PTP4A2: variants seen among roughly 807,000 people sequenced by gnomAD.
PTP4A2 encodes protein tyrosine phosphatase type IVA 2.
Under a neutral mutation model 22.9 loss-of-function variants are expected in PTP4A2, and 2 were observed. The ratio of observed to expected loss-of-function variants is 0.09; its 90% confidence interval spans 0.04 to 0.27. PTP4A2 has a LOEUF of 0.27. Ranked by LOEUF, PTP4A2 falls within the 10% of genes least tolerant of loss-of-function variation. PTP4A2 has a pLI of 1.00. For missense variants in PTP4A2, 103 were observed against 205.1 expected (o/e 0.50, Z 3.04); for synonymous variants, 68 against 69.1 (o/e 0.98, Z 0.08).
chr1:31,934,345 A>T (rs552306590), intron 1 of PTP4A2, among the ~76,000 whole-genome samples: 1 of 152,356 alleles, frequency 6.6e-6, no homozygotes, highest in East Asian at 1.9e-4. Flanking sequence ...CAACAAATAT[A>T]GTTGATGGAA....
chr1:31,913,082 T>TA (rs1282316095), intron 3 of PTP4A2: 13 of 427,896 alleles, frequency 3.0e-5, no homozygotes, highest in Non-Finnish European at 4.6e-5. Flanking sequence ...TGTCTATTTT[T>TA]AAAAAAATCA....
In PTP4A2 at chr1:31,909,908, A is replaced by G. The variant is rs926710339; in HGVS notation, c.395+130T>C. On this transcript the variant is annotated intron_variant, in intron 5 of 5. Coordinates refer to ENST00000647444, the MANE Select transcript of PTP4A2 (RefSeq NM_080391.4). ...CTATCACTTGCTCTAAATTTTTTACATCTTCAAATAATACTTCAAGCCAAA... is the reference window on the plus strand; with the variant it reads ...CTATCACTTGCTCTAAATTTTTTACGTCTTCAAATAATACTTCAAGCCAAA... 5 of 718,628 alleles carry G rather than the reference A, an allele frequency of 7.0e-6. No individual in the cohort carries two copies. In the Admixed American group the frequency reaches 8.5e-5, roughly 12 times the overall value. 44.5% of individuals were successfully genotyped at this position (718,628 alleles called of 1,614,324 possible). A position where few individuals can be genotyped will look rare whatever the true frequency, so the allele number is the denominator to read the frequency against.
intron 1 of PTP4A2, among the ~76,000 whole-genome samples, chr1:31,929,267 C>A (rs1378957903): frequency 6.6e-6 from 1 of 152,128 alleles, no homozygotes; most frequent in Non-Finnish European, 1.5e-5. Context: ...CCAACGCCGA[C>A]TTTCTCTTTA....
chr1:31,911,633 T>G, intron 4 of PTP4A2, 63 bp downstream of exon 4: 1 of 1,436,624 alleles, frequency 7.0e-7, no homozygotes, highest in Non-Finnish European at 9.2e-7. Flanking sequence ...AAAGTGAAAC[T>G]TTCAACTAAC....
intron 1 of PTP4A2, among the ~76,000 whole-genome samples, chr1:31,928,492 G>A (rs1352003324): frequency 6.6e-6 from 1 of 151,432 alleles, no homozygotes; most frequent in Non-Finnish European, 1.5e-5. Context: ...CTGAGGTCAG[G>A]AGTTCAAGAC....
intron 1 of PTP4A2, among the ~76,000 whole-genome samples, chr1:31,921,995 G>C (rs1381911276): frequency 1.3e-5 from 2 of 152,142 alleles, no homozygotes; most frequent in Non-Finnish European, 2.9e-5. Flanking sequence ...ACTCGCTACA[G>C]TAAAAACACA....
intron 2 of PTP4A2, 68 bp from the exon 3 acceptor site, chr1:31,916,055 ACT>A: frequency 9.0e-7 from 1 of 1,108,156 alleles, no homozygotes; most frequent in South Asian, 1.5e-5. Context: ...GTAGAAATGT[ACT>A]ATTATAGGCC....
intron 1 of PTP4A2, among the ~76,000 whole-genome samples, chr1:31,936,756 C>T (rs942543626): frequency 6.6e-5 from 10 of 152,138 alleles, no homozygotes; most frequent in Non-Finnish European, 1.2e-4. Flanking sequence ...ATTCTGAAGC[C>T]CTGATAATGT....
At chr1:31,915,689 A>C (rs1651792585) in intron 3 of PTP4A2, 1 of 385,630 alleles carries the variant, frequency 2.6e-6, no homozygotes, top group Non-Finnish European at 4.8e-6. Flanking sequence ...ACAGGTGTGC[A>C]CCAACATGCC....
chr1:31,935,033 G>C (rs552269888), intron 1 of PTP4A2, among the ~76,000 whole-genome samples: 3 of 152,250 alleles, frequency 2.0e-5, no homozygotes, highest in Non-Finnish European at 4.4e-5. Flanking sequence ...TGAATCTGTA[G>C]TTCAATTTAT....
At chr1:31,909,919 A>C in intron 5 of PTP4A2, 119 bp downstream of exon 5, 1 of 784,528 alleles carries the variant, frequency 1.3e-6, no homozygotes, top group South Asian at 1.8e-5. Flanking sequence ...TCTTCAAATA[A>C]TACTTCAAGC....
rs781232472 is a variant in PTP4A2, at chr1:31,918,979, C to A, written c.87G>T (p.Lys29Asn). 6.4e-7 allele frequency: 1 copy of A among 1,574,140 alleles called. No individual in the cohort carries two copies. Among genetic ancestry groups the A allele is most frequent in the Non-Finnish European group, 8.7e-7 (1 of 1,144,080 alleles). The change falls in exon 2 of 6, where the codon AAG becomes AAT. Residue 29 changes from lysine to asparagine, a missense_variant. Physicochemically the swap from Lys to Asn is moderately conservative, Grantham distance 94. Around this residue, in one of 3 missense-constraint regions of PTP4A2, gnomAD observed 66 missense variants for 113.0 expected, o/e 0.58. Coordinates refer to ENST00000647444, the MANE Select transcript of PTP4A2 (RefSeq NM_080391.4). ...CATGCCACAATCTTACCTCTGTGAA[C>A]TTGTTGAGAGTAGCATTGGTAGGGT... Reference protein sequence around the residue: ...THNPTNATLNKFTEELKKYGV... With the variant: ...THNPTNATLNNFTEELKKYGV...
rs1489471912 is a variant in PTP4A2 at position 31,908,077 on chromosome 1, A to G, written c.*775T>C. 2 of 124,182 alleles carry G rather than the reference A, an allele frequency of 1.6e-5. No individual in the cohort carries two copies. Among genetic ancestry groups the G allele is most frequent in the Non-Finnish European group, 1.7e-5 (1 of 59,020 alleles). The allele number at this position is 124,182 out of a possible 1,614,324, so 7.7% of individuals were successfully genotyped here. A position where few individuals can be genotyped will look rare whatever the true frequency, so the allele number is the denominator to read the frequency against. ...GGGTTTTGAAGAAACTAACATGAAC[A>G]CCCTTTCATCAGTAAAGACTAAAAA... On this transcript the variant is annotated 3_prime_UTR_variant, in exon 6 of 6. Coordinates refer to ENST00000647444, the MANE Select transcript of PTP4A2 (RefSeq NM_080391.4).
At chr1:31,922,874 G>C (rs190166848) in intron 1 of PTP4A2, among the ~76,000 whole-genome samples, 2 of 151,400 alleles carry the variant, frequency 1.3e-5, no homozygotes, top group Non-Finnish European at 2.9e-5. Flanking sequence ...CTCCTGCCTC[G>C]GCCTCCCAAA....
intron 1 of PTP4A2, among the ~76,000 whole-genome samples, chr1:31,929,008 G>A (rs541693417): frequency 7.9e-5 from 12 of 152,296 alleles, no homozygotes; most frequent in Non-Finnish European, 1.5e-4. Context: ...TGAAAAGGGA[G>A]TGGTTTTAGA....
In PTP4A2 at chr1:31,938,083, T is replaced by TAGCAGTGGCGGCGGCGGCGAC. The variant is rs1653028595; in HGVS notation, c.-691_-690insGTCGCCGCCGCCGCCACTGCT. Reference sequence around the variant, plus strand: ...ACCTCGGCGGCGGCGGCGGCGGCGGTAGCGGTGGCGGCGGCGGCGACGACT... The same window carrying TAGCAGTGGCGGCGGCGGCGAC: ...ACCTCGGCGGCGGCGGCGGCGGCGGTAGCAGTGGCGGCGGCGGCGACAGCGGTGGCGGCGGCGGCGACGACT... On this transcript the variant is annotated 5_prime_UTR_variant, in exon 1 of 6. Coordinates refer to ENST00000647444, the MANE Select transcript of PTP4A2 (RefSeq NM_080391.4). This position sits in a 1 kb window ranked among gnomAD's most constrained non-coding sequence, Gnocchi z 4.4. 1 of 146,730 alleles carries TAGCAGTGGCGGCGGCGGCGAC rather than the reference T, an allele frequency of 6.8e-6. No homozygotes were observed. Among genetic ancestry groups the TAGCAGTGGCGGCGGCGGCGAC allele is most frequent in the African/African-American group, 2.6e-5 (1 of 38,014 alleles). The allele number at this position is 146,730 out of a possible 1,614,324, so 9.1% of individuals were successfully genotyped here.
chr1:31,930,763 C>T (rs371448184), intron 1 of PTP4A2, among the ~76,000 whole-genome samples: 5 of 152,298 alleles, frequency 3.3e-5, no homozygotes, highest in Middle Eastern at 6.8e-3. Context: ...TTAAAATGTA[C>T]TGTCTATCCA....
chr1:31,937,178 C>G (rs1053791635), intron 1 of PTP4A2, among the ~76,000 whole-genome samples: 1 of 151,860 alleles, frequency 6.6e-6, no homozygotes, highest in Non-Finnish European at 1.5e-5. Context: ...GCATCATTGA[C>G]AAATTTGAAA....
chr1:31,926,800 T>G (rs144814318), intron 1 of PTP4A2, among the ~76,000 whole-genome samples: 390 of 151,958 alleles, frequency 2.6e-3, no homozygotes, highest in Admixed American at 5.4e-3. Flanking sequence ...TGGAGAAAAA[T>G]TAGAAGTAGG....
Sources: allele counts gnomAD v4.1 joint callset (sites outside exome capture counted in the v4.1 genomes callset), GRCh38; gene constraint gnomAD v4.1.1; regional missense constraint gnomAD v4.1.1; non-coding constraint Gnocchi (gnomAD v3.1); transcripts MANE v1.5; gene names NCBI Gene and HGNC (gene_info 2026-07-23, HGNC 2026-07-21).